The following NPB variants were observed in gnomAD, a reference collection of about 807,000 sequenced individuals.
NPB encodes the protein neuropeptide B.
In NPB, 8 loss-of-function variants were observed where a neutral mutation model predicts 6.7. The ratio of observed to expected loss-of-function variants is 1.20; its 90% CI spans 0.71 to 2.17. NPB has a LOEUF of 2.17. Ranked by LOEUF, NPB falls within the 30% of genes most tolerant of loss-of-function variation. The pLI, the probability that NPB is intolerant of heterozygous loss-of-function variation, is 0.00. For synonymous variants in NPB, 118 were observed against 103.4 expected (o/e 1.14, Z -0.86); for missense variants, 199 against 190.2 (o/e 1.05, Z -0.27).
chr17:81,902,269 G>A lies in NPB; in HGVS notation c.-9G>A. 1 of 1,250,456 alleles carries A rather than the reference G, an allele frequency of 8.0e-7. No individual in the cohort carries two copies. Among genetic ancestry groups the A allele is most frequent in the Non-Finnish European group, 1.0e-6 (1 of 999,680 alleles). The allele number at this position is 1,250,456 out of a possible 1,614,324, so 77.5% of individuals were successfully genotyped here. ...GGACGCCGCCGCCCACCAGTCAGCC[G>A]GCGTCCCCATGGCCCGGTCCGCGAC... On this transcript the variant is annotated 5_prime_UTR_variant, in exon 1 of 2. Coordinates refer to ENST00000333383, the MANE Select transcript of NPB (RefSeq NM_148896.5).
Position 81,902,268 on chromosome 17 carries a change from C to CG in NPB, c.-8dup. ...CGGACGCCGCCGCCCACCAGTCAGC[C>CG]GGCGTCCCCATGGCCCGGTCCGCGA... On this transcript the variant is annotated 5_prime_UTR_variant, in exon 1 of 2. Coordinates refer to ENST00000333383, the MANE Select transcript of NPB (RefSeq NM_148896.5). The CG allele has an allele frequency of 8.0e-7, 1 of 1,251,180 alleles. No homozygotes were observed. The highest frequency in any genetic ancestry group is 1.0e-6 in the Non-Finnish European group (1 of 1,000,140). The allele number at this position is 1,251,180 out of a possible 1,614,324, so 77.5% of individuals were successfully genotyped here. A position where few individuals can be genotyped will look rare whatever the true frequency, so the allele number is the denominator to read the frequency against.
At position 81,902,809 on chromosome 17, in the gene NPB, C is replaced by A. The variant is rs1381892701; in HGVS notation, c.*61C>A. ...GCCCCCACCGTCCCACTCGGTGACC[C>A]CAGGCCCCTCCGGCGCGGGATGGCG... On this transcript the variant is annotated 3_prime_UTR_variant, in exon 2 of 2. Coordinates refer to ENST00000333383, the MANE Select transcript of NPB (RefSeq NM_148896.5). 12 of 1,474,558 alleles carry A rather than the reference C, an allele frequency of 8.1e-6. No homozygotes were observed. The highest frequency in any genetic ancestry group is 1.1e-5 in the Non-Finnish European group (12 of 1,104,638). 91.3% of individuals were successfully genotyped at this position (1,474,558 alleles called of 1,614,324 possible).
chr17:81,902,292 G>A lies in NPB; in HGVS notation c.15G>A (p.Ala5=). The change falls in exon 1 of 2, where the codon GCG becomes GCA. Residue 5 remains alanine (A), a synonymous_variant. Coordinates refer to ENST00000333383, the MANE Select transcript of NPB (RefSeq NM_148896.5). The part of the protein sequence containing the change: MARS[A]TLAAAALALC... ...CCGGCGTCCCCATGGCCCGGTCCGC[G>A]ACACTGGCGGCCGCCGCCCTGGCGC... The A allele has an allele frequency of 1.5e-6, 2 of 1,320,172 alleles. No homozygotes were observed. The highest frequency in any genetic ancestry group is 1.9e-6 in the Non-Finnish European group (2 of 1,041,954). 81.8% of individuals were successfully genotyped at this position (1,320,172 alleles called of 1,614,324 possible).
At position 81,902,321 on chromosome 17, in the gene NPB, G is replaced by C; in HGVS notation, c.44G>C (p.Cys15Ser). 1 of 1,339,084 alleles carries C rather than the reference G, an allele frequency of 7.5e-7. No homozygotes were observed. The allele number at this position is 1,339,084 out of a possible 1,614,324, so 83.0% of individuals were successfully genotyped here. ...ATLAAAALAL[C>S]LLLAPPGLAW... Reference sequence around the variant, plus strand: ...CTGGCGGCCGCCGCCCTGGCGCTGTGCCTGCTGCTGGCGCCGCCTGGCCTC... The same window carrying C: ...CTGGCGGCCGCCGCCCTGGCGCTGTCCCTGCTGCTGGCGCCGCCTGGCCTC... Residue 15 changes from cysteine to serine, a missense_variant, in exon 1 of 2, where the codon TGC (cysteine) becomes TCC (serine). Cys to Ser is a moderately radical substitution (Grantham distance 112, BLOSUM62 -1). Coordinates refer to ENST00000333383, the MANE Select transcript of NPB (RefSeq NM_148896.5).
chr17:81,902,559 C>A (rs1381147653), intron 1 of NPB, 33 bp downstream of exon 1: 2 of 1,495,270 alleles, frequency 1.3e-6, no homozygotes, highest in Non-Finnish European at 8.9e-7. Flanking sequence ...TGATGGGGGG[C>A]GGCGGCAGGA....
In NPB at chr17:81,902,467, C is replaced by T. The variant is rs888495729; in HGVS notation, c.190C>T (p.Pro64Ser). The change falls in exon 1 of 2, where the codon CCC becomes TCC. Residue 64 changes from proline (P) to serine (S), a missense_variant. Physicochemically the swap from Pro to Ser is moderately conservative, Grantham distance 74 (BLOSUM62 -1). Coordinates refer to ENST00000333383, the MANE Select transcript of NPB (RefSeq NM_148896.5). ...RRSQPYRGAE[P>S]PGGAGASPEL... ...CTCCCAGCCCTACAGAGGGGCGGAA[C>T]CCCCGGGCGGGGCCGGCGCCTCCCC... 1 of 1,388,942 alleles carries T rather than the reference C, an allele frequency of 7.2e-7. No individual in the cohort carries two copies. Among genetic ancestry groups the T allele is most frequent in the South Asian group, 1.6e-5 (1 of 60,952 alleles). The allele number at this position is 1,388,942 out of a possible 1,614,324, so 86.0% of individuals were successfully genotyped here.
Position 81,902,841 on chromosome 17 carries a change from G to C in NPB, c.*93G>C, listed in dbSNP as rs964022770. 8.4e-7 allele frequency: 1 copy of C among 1,185,970 alleles called. No homozygotes were observed. Among genetic ancestry groups the C allele is most frequent in the South Asian group, 1.5e-5 (1 of 66,366 alleles). The allele number at this position is 1,185,970 out of a possible 1,614,324, so 73.5% of individuals were successfully genotyped here. On this transcript the variant is annotated 3_prime_UTR_variant, in exon 2 of 2. Transcript: ENST00000333383. ...CCTCCGGCGCGGGATGGCGCCCCAG[G>C]TCTCCCCTACTCCGCTCACCCCGCA...
chr17:81,902,898 G>A lies in NPB; in HGVS notation c.*150G>A. The stretch of plus-strand genomic sequence containing the variant: ...GGCAAACGAATAAATAAATGAGGCG[G>A]CCTCGGAGTGAGGGGTGCTGGAGGA... On this transcript the variant is annotated 3_prime_UTR_variant, in exon 2 of 2. Coordinates refer to ENST00000333383, the MANE Select transcript of NPB (RefSeq NM_148896.5). 1.5e-6 allele frequency: 1 copy of A among 676,762 alleles called. No homozygotes were observed. Among genetic ancestry groups the A allele is most frequent in the Non-Finnish European group, 2.3e-6 (1 of 431,800 alleles). 41.9% of individuals were successfully genotyped at this position (676,762 alleles called of 1,614,324 possible).
chr17:81,902,376 C>T lies in NPB; in HGVS notation c.99C>T (p.Ser33=). ...GGTACAAGCCAGCGGCGGGGCACAG[C>T]TCCTACTCGGTGGGCCGCGCCGCGG... ...LAWYKPAAGH[S]SYSVGRAAGL... Residue 33 remains serine, a synonymous_variant, in exon 1 of 2, where the codon AGC becomes AGT. Coordinates refer to ENST00000333383, the MANE Select transcript of NPB (RefSeq NM_148896.5). 7.4e-7 allele frequency: 1 copy of T among 1,344,026 alleles called. No homozygotes were observed. The highest frequency in any genetic ancestry group is 9.5e-7 in the Non-Finnish European group (1 of 1,055,106). The allele number at this position is 1,344,026 out of a possible 1,614,324, so 83.3% of individuals were successfully genotyped here.
chr17:81,902,409 G>C lies in NPB; in HGVS notation c.132G>C (p.Leu44=). The C allele has an allele frequency of 7.4e-7, 1 of 1,348,034 alleles. No homozygotes were observed. Among genetic ancestry groups the C allele is most frequent in the Non-Finnish European group, 9.5e-7 (1 of 1,057,126 alleles). The allele number at this position is 1,348,034 out of a possible 1,614,324, so 83.5% of individuals were successfully genotyped here. ...SYSVGRAAGL[L]SGLRRSPYAR... is the part of the protein sequence containing the mutation. Reference sequence around the variant, plus strand: ...CGGTGGGCCGCGCCGCGGGGCTGCTGTCCGGCCTCCGCAGGTCCCCGTACG... The same window carrying C: ...CGGTGGGCCGCGCCGCGGGGCTGCTCTCCGGCCTCCGCAGGTCCCCGTACG... The change falls in exon 1 of 2, where the codon CTG becomes CTC. Residue 44 remains leucine (L), a synonymous_variant. Transcript: ENST00000333383.
chr17:81,902,853 C>T lies in NPB; in HGVS notation c.*105C>T. The T allele has an allele frequency of 1.0e-6, 1 of 972,374 alleles. No homozygotes were observed. The highest frequency in any genetic ancestry group is 1.8e-5 in the South Asian group (1 of 56,612). The allele number at this position is 972,374 out of a possible 1,614,324, so 60.2% of individuals were successfully genotyped here. On this transcript the variant is annotated 3_prime_UTR_variant, in exon 2 of 2. Transcript: ENST00000333383. ...GATGGCGCCCCAGGTCTCCCCTACT[C>T]CGCTCACCCCGCAGTTAATGGCAAA...
Position 81,902,494 on chromosome 17 carries a change from G to A in NPB, c.217G>A (p.Glu73Lys), listed in dbSNP as rs1275056151. The A allele has an allele frequency of 4.2e-6, 6 of 1,414,666 alleles. No homozygotes were observed. The highest frequency in any genetic ancestry group is 5.5e-6 in the Non-Finnish European group (6 of 1,092,290). The allele number at this position is 1,414,666 out of a possible 1,614,324, so 87.6% of individuals were successfully genotyped here. Residue 73 changes from glutamate to lysine, a missense_variant, in exon 1 of 2, where the codon GAG (glutamate) becomes AAG (lysine). Transcript: ENST00000333383. Reference sequence around the variant, plus strand: ...CCCGGGCGGGGCCGGCGCCTCCCCGGAGCTGCAACTGCACCCCAGGCTGCG... The same window carrying A: ...CCCGGGCGGGGCCGGCGCCTCCCCGAAGCTGCAACTGCACCCCAGGCTGCG... The part of the protein sequence containing the change: ...EPPGGAGASP[E>K]LQLHPRLRSL...
At position 81,902,883 on chromosome 17, in the gene NPB, T is replaced by C; in HGVS notation, c.*135T>C. ...CACCCCGCAGTTAATGGCAAACGAA[T>C]AAATAAATGAGGCGGCCTCGGAGTG... On this transcript the variant is annotated 3_prime_UTR_variant, in exon 2 of 2. Coordinates refer to ENST00000333383, the MANE Select transcript of NPB (RefSeq NM_148896.5). 1.3e-6 allele frequency: 1 copy of C among 755,190 alleles called. No individual in the cohort carries two copies. The highest frequency in any genetic ancestry group is 2.0e-6 in the Non-Finnish European group (1 of 500,434). 46.8% of individuals were successfully genotyped at this position (755,190 alleles called of 1,614,324 possible).
chr17:81,902,384 C>T lies in NPB; in HGVS notation c.107C>T (p.Ser36Leu), dbSNP rs2039986554. Residue 36 changes from serine (S) to leucine (L), a missense_variant, in exon 1 of 2, where the codon TCG becomes TTG. Physicochemically the swap from Ser to Leu is moderately radical, Grantham distance 145 (BLOSUM62 -2). Coordinates refer to ENST00000333383, the MANE Select transcript of NPB (RefSeq NM_148896.5). ...CCAGCGGCGGGGCACAGCTCCTACT[C>T]GGTGGGCCGCGCCGCGGGGCTGCTG... ...YKPAAGHSSYSVGRAAGLLSG... is the reference protein window; with the variant it reads ...YKPAAGHSSYLVGRAAGLLSG... 3.0e-6 allele frequency: 4 copies of T among 1,342,968 alleles called. No individual in the cohort carries two copies. The highest frequency in any genetic ancestry group is 4.1e-5 in the Admixed American group (1 of 24,144). The allele number at this position is 1,342,968 out of a possible 1,614,324, so 83.2% of individuals were successfully genotyped here.
rs773365217 is a variant in NPB, at chr17:81,902,692, C to G, written c.322C>G (p.Gln108Glu). 1 of 1,609,002 alleles carries G rather than the reference C, an allele frequency of 6.2e-7. No individual in the cohort carries two copies. The highest frequency in any genetic ancestry group is 8.5e-7 in the Non-Finnish European group (1 of 1,178,810). The change falls in exon 2 of 2, where the codon CAG becomes GAG. Residue 108 changes from glutamine (Q) to glutamate (E), a missense_variant. Physicochemically the swap from Gln to Glu is conservative, Grantham distance 29 (BLOSUM62 2). Transcript: ENST00000333383. ...ERLPDGRGTYQCKANVFLSLR... is the reference protein window; with the variant it reads ...ERLPDGRGTYECKANVFLSLR... ...GCTCCCCGACGGCCGCGGGACCTAC[C>G]AGTGCAAGGCGAACGTCTTCCTGTC...
At position 81,902,544 on chromosome 17, in the gene NPB, G is replaced by A. The variant is rs1433177103; in HGVS notation, c.249+18G>A. 15 of 1,481,058 alleles carry A rather than the reference G, an allele frequency of 1.0e-5. No homozygotes were observed. In the East Asian group the frequency reaches 3.1e-4, roughly 30 times the overall value. 91.7% of individuals were successfully genotyped at this position (1,481,058 alleles called of 1,614,324 possible). On this transcript the variant is annotated intron_variant, in intron 1 of 1. Transcript: ENST00000333383. ...GGAGCCTCGTGAGTCCGGCGTGCCG[G>A]GGACTGATGGGGGGCGGCGGCAGGA...
rs1241171899 is a variant in NPB, at chr17:81,902,896, C to T, written c.*148C>T. 6 of 698,010 alleles carry T rather than the reference C, an allele frequency of 8.6e-6. No individual in the cohort carries two copies. The highest frequency in any genetic ancestry group is 3.5e-5 in the Admixed American group (1 of 28,512). 43.2% of individuals were successfully genotyped at this position (698,010 alleles called of 1,614,324 possible). ...ATGGCAAACGAATAAATAAATGAGG[C>T]GGCCTCGGAGTGAGGGGTGCTGGAG... On this transcript the variant is annotated 3_prime_UTR_variant, in exon 2 of 2. Transcript: ENST00000333383.
In NPB at chr17:81,902,826, G is replaced by T. The variant is rs910163502; in HGVS notation, c.*78G>T. On this transcript the variant is annotated 3_prime_UTR_variant, in exon 2 of 2. Transcript: ENST00000333383. Reference sequence around the variant, plus strand: ...CGGTGACCCCAGGCCCCTCCGGCGCGGGATGGCGCCCCAGGTCTCCCCTAC... The same window carrying T: ...CGGTGACCCCAGGCCCCTCCGGCGCTGGATGGCGCCCCAGGTCTCCCCTAC... The T allele has an allele frequency of 7.4e-7, 1 of 1,351,262 alleles. No homozygotes were observed. Among genetic ancestry groups the T allele is most frequent in the Non-Finnish European group, 1.0e-6 (1 of 1,004,900 alleles). The allele number at this position is 1,351,262 out of a possible 1,614,324, so 83.7% of individuals were successfully genotyped here. A position where few individuals can be genotyped will look rare whatever the true frequency, so the allele number is the denominator to read the frequency against.
At position 81,902,676 on chromosome 17, in the gene NPB, C is replaced by A. The variant is rs368921955; in HGVS notation, c.306C>A (p.Asp102Glu). 1.9e-6 allele frequency: 3 copies of A among 1,607,772 alleles called. No homozygotes were observed. Among genetic ancestry groups the A allele is most frequent in the African/African-American group, 2.7e-5 (2 of 74,476 alleles). ...PNLQRCERLP[D>E]GRGTYQCKAN... ...TGCAGAGGTGCGAGCGGCTCCCCGA[C>A]GGCCGCGGGACCTACCAGTGCAAGG... Residue 102 changes from aspartate (D) to glutamate (E), a missense_variant, in exon 2 of 2, where the codon GAC becomes GAA. Asp to Glu is a conservative substitution (Grantham distance 45). Coordinates refer to ENST00000333383, the MANE Select transcript of NPB (RefSeq NM_148896.5).
Sources: allele counts gnomAD v4.1 joint callset, GRCh38; gene constraint gnomAD v4.1.1; transcripts MANE v1.5; gene names NCBI Gene and HGNC (gene_info 2026-07-23, HGNC 2026-07-21).